Variants in RAD51B observed in about 807,000 individuals in gnomAD.
RAD51B encodes the protein DNA repair protein RAD51 homolog 2.
A neutral mutation model predicts 42.2 loss-of-function variants in RAD51B; 38 were observed. The observed-to-expected ratio is 0.90, with a 90% CI of 0.70 to 1.18. The LOEUF is 1.18. RAD51B is among the 50% of genes most tolerant of loss of function. RAD51B has a pLI of 0.00. For synonymous variants in RAD51B, 154 were observed against 145.2 expected, an observed-to-expected ratio of 1.06 and a Z score of -0.43; for missense variants, 373 against 400.7, an observed-to-expected ratio of 0.93 and a Z score of 0.59.
intron 7 of RAD51B, among the ~76,000 whole-genome samples, chr14:67,979,033 C>T (rs1173525197): frequency 6.6e-6 from 1 of 152,148 alleles, no homozygotes; most frequent in African/African-American, 2.4e-5. Context: ...AAAAGCTAGT[C>T]TACTAATTTT....
intron 10 of RAD51B, among the ~76,000 whole-genome samples, chr14:68,518,745 G>A (rs1057429227): frequency 2.6e-5 from 4 of 152,218 alleles, no homozygotes. Flanking sequence ...TAGCAGCGTA[G>A]CTGAGGCCAA....
intron 8 of RAD51B, among the ~76,000 whole-genome samples, chr14:68,361,118 G>C (rs1566832616): frequency 6.6e-6 from 1 of 152,186 alleles, no homozygotes; most frequent in Non-Finnish European, 1.5e-5. Flanking sequence ...CCCTTTAGGG[G>C]AGATGGGAGA....
Position 68,124,311 on chromosome 14 carries a change from T to C in RAD51B, c.757-167573T>C, listed in dbSNP as rs188354398. Among the ~76,000 whole-genome samples the C allele has an allele frequency of 2.4e-3, 367 of 152,054 alleles. 2 individuals carry two copies. The highest frequency in any genetic ancestry group is 8.5e-3 in the African/African-American group (352 of 41,328). Reference sequence around the variant, plus strand: ...GTTTCATCCAATTTTACTGTAAGCCTTTGCATTCCTAATAGAGGCACAATA... The same window carrying C: ...GTTTCATCCAATTTTACTGTAAGCCCTTGCATTCCTAATAGAGGCACAATA... On this transcript the variant is annotated intron_variant, in intron 7 of 10. Transcript: ENST00000471583.
chr14:68,609,138 G>T (rs185449426), intron 10 of RAD51B, among the ~76,000 whole-genome samples: 102 of 152,218 alleles, frequency 6.7e-4, no homozygotes, highest in Non-Finnish European at 1.2e-4. Context: ...TCCCTTGCCC[G>T]CCTGATCTCA....
intron 3 of RAD51B, among the ~76,000 whole-genome samples, chr14:67,829,347 A>G (rs985331197): frequency 2.6e-5 from 4 of 151,016 alleles, no homozygotes; most frequent in African/African-American, 9.8e-5. Flanking sequence ...GGTTCACGCC[A>G]TTCTCCTGCC....
chr14:68,362,264 T>C (rs955476601), intron 8 of RAD51B, among the ~76,000 whole-genome samples: 3 of 152,196 alleles, frequency 2.0e-5, no homozygotes, highest in African/African-American at 7.2e-5. Flanking sequence ...TTGACTGGGG[T>C]ACTAAAATTC....
intron 8 of RAD51B, among the ~76,000 whole-genome samples, chr14:68,396,341 C>T (rs954621776): frequency 1.3e-5 from 2 of 152,174 alleles, no homozygotes; most frequent in African/African-American, 2.4e-5. Context: ...CATGGGCTAA[C>T]GGGTTTTCTG....
rs569057168 is a variant in RAD51B, at chr14:68,635,414, C to T, written c.1037-15367C>T. ...AACCAGAGATGTGATGCTAACTCAGCGATTTTCAATAGAAATGTAATGCAA... is the reference window on the plus strand; with the variant it reads ...AACCAGAGATGTGATGCTAACTCAGTGATTTTCAATAGAAATGTAATGCAA... On this transcript the variant is annotated intron_variant, in intron 10 of 11. Transcript: ENST00000488612. Among the ~76,000 whole-genome samples, 6 of 152,218 alleles carry T rather than the reference C, an allele frequency of 3.9e-5. No individual in the cohort carries two copies. The South Asian group carries it at 1.0e-3, about 26-fold the overall frequency.
intron 7 of RAD51B, among the ~76,000 whole-genome samples, chr14:68,216,324 C>T (rs1050814585): frequency 6.6e-6 from 1 of 152,124 alleles, no homozygotes; most frequent in Non-Finnish European, 1.5e-5. Context: ...TGAAAAAGGT[C>T]GTTAAGGGTT....
rs547184122 is a variant in RAD51B, at chr14:68,317,554, A to G, written c.853+25574A>G. Among the ~76,000 whole-genome samples, 17 of 146,318 alleles carry G rather than the reference A, an allele frequency of 1.2e-4. 1 individual carries two copies. The highest frequency in any genetic ancestry group is 4.7e-4 in the African/African-American group (17 of 35,966). ...TAATAAGCTCACTAGTCCTGCTGAC[A>G]CTGAGTCCCTACCCTCGGCTCCATT... On this transcript the variant is annotated intron_variant, in intron 8 of 10. Coordinates refer to ENST00000471583, the MANE Select transcript of RAD51B (RefSeq NM_133510.4).
At chr14:67,855,429 G>A (rs535421155) in intron 4 of RAD51B, among the ~76,000 whole-genome samples, 103 of 149,684 alleles carry the variant, frequency 6.9e-4, no homozygotes, top group Non-Finnish European at 1.0e-3. Flanking sequence ...AGTAGAGACG[G>A]GGTTTCACTG....
chr14:68,607,844 C>T lies in RAD51B; in HGVS notation c.1037-3162C>T, dbSNP rs568628310. ...CTGGCAATGTAGGAGGAGGGGCTGT[C>T]GATTACCCGGGAGGACAGGCCCGGC... On this transcript the variant is annotated intron_variant, in intron 10 of 10. Coordinates refer to the RAD51B transcript ENST00000487861. Among the ~76,000 whole-genome samples the T allele has an allele frequency of 2.6e-5, 4 of 152,194 alleles. No individual in the cohort carries two copies. The East Asian group carries it at 5.8e-4, about 22-fold the overall frequency.
chr14:68,507,045 G>A (rs773452868), intron 10 of RAD51B, among the ~76,000 whole-genome samples: 2 of 152,268 alleles, frequency 1.3e-5, no homozygotes, highest in East Asian at 1.9e-4. Flanking sequence ...CTAGGTCTCC[G>A]GGGTGAGTTG....
chr14:68,153,869 G>A (rs1415541989), intron 7 of RAD51B, among the ~76,000 whole-genome samples: 1 of 152,110 alleles, frequency 6.6e-6, no homozygotes, highest in Non-Finnish European at 1.5e-5. Context: ...TGAGGTTAGT[G>A]TATCTCATTT....
At chr14:67,823,314 G>T (rs2040696709) in intron 1 of RAD51B, among the ~76,000 whole-genome samples, 1 of 152,102 alleles carries the variant, frequency 6.6e-6, no homozygotes, top group Non-Finnish European at 1.5e-5. Flanking sequence ...TTGCCTTGTA[G>T]ATTTTCTATG....
chr14:68,032,350 T>C (rs1024358189), intron 7 of RAD51B, among the ~76,000 whole-genome samples: 5 of 152,096 alleles, frequency 3.3e-5, no homozygotes, highest in Non-Finnish European at 7.4e-5. Flanking sequence ...TCACAGCTAT[T>C]CTCCACTTTT....
chr14:67,968,109 T>C (rs10135320), intron 7 of RAD51B, among the ~76,000 whole-genome samples: 65,056 of 152,144 alleles, frequency 0.43, 16,284 homozygotes, highest in African/African-American at 0.7. Flanking sequence ...AACTATGCGC[T>C]GAGCTGTACC....
chr14:68,403,511 C>T (rs926182137), intron 8 of RAD51B, among the ~76,000 whole-genome samples: 5 of 152,194 alleles, frequency 3.3e-5, no homozygotes, highest in Non-Finnish European at 7.3e-5. Flanking sequence ...TAAATACTGA[C>T]ACGGGTTGGT....
chr14:68,243,068 G>T (rs2080425743), intron 7 of RAD51B, among the ~76,000 whole-genome samples: 1 of 152,136 alleles, frequency 6.6e-6, no homozygotes, highest in Non-Finnish European at 1.5e-5. Flanking sequence ...AGTAGTGTGT[G>T]CATCATATAT....
Sources: allele counts gnomAD v4.1 joint callset (sites outside exome capture counted in the v4.1 genomes callset), GRCh38; gene constraint gnomAD v4.1.1; transcripts MANE v1.5; gene names NCBI Gene and HGNC (gene_info 2026-07-23, HGNC 2026-07-21).